KCNH2: variants seen among roughly 807,000 people sequenced by gnomAD.
The protein encoded by KCNH2 is voltage-gated inwardly rectifying potassium channel KCNH2.
KCNH2 carries 35 observed loss-of-function variants against 95.9 expected under a neutral mutation model. That is an observed-to-expected ratio of 0.37 (90% CI 0.28 to 0.48). The LOEUF is 0.48. Among genes scored for constraint, KCNH2 ranks in the 20% least tolerant of loss-of-function variants. KCNH2 has a pLI of 0.99. For synonymous variants in KCNH2, 786 were observed against 754.7 expected (o/e 1.04, Z -0.68); for missense variants, 1,274 against 1,702.9 (o/e 0.75, Z 4.43).
chr7:150,957,769 G>A (rs1801426791), intron 4 of KCNH2, among the ~76,000 whole-genome samples: 1 of 152,236 alleles, frequency 6.6e-6, no homozygotes, highest in African/African-American at 2.4e-5. Flanking sequence ...GGTGGTGTTC[G>A]GAGGCTGGGC....
chr7:150,951,243 C>T (rs930085189), intron 7 of KCNH2, 123 bp from the exon 8 acceptor site: 3 of 1,017,020 alleles, frequency 2.9e-6, no homozygotes, highest in African/African-American at 3.2e-5. Flanking sequence ...CCACGAGACG[C>T]CCTTGTACAT....
chr7:150,955,048 T>A (rs976676243), intron 5 of KCNH2, among the ~76,000 whole-genome samples: 83 of 152,158 alleles, frequency 5.5e-4, no homozygotes, highest in Non-Finnish European at 4.4e-5. Flanking sequence ...TGCCGGCTTC[T>A]CCTGGTCCTG....
chr7:150,945,341 A>C lies in KCNH2; in HGVS notation c.*24T>G. On this transcript the variant is annotated 3_prime_UTR_variant, in exon 15 of 15. Coordinates refer to ENST00000262186, the MANE Select transcript of KCNH2 (RefSeq NM_000238.4). This position sits in a 1 kb window ranked among gnomAD's most constrained non-coding sequence, Gnocchi z 5.6. ...CAGCGCCTTGATCCCTGGGTGAGCC[A>C]CGTGTCCACACTGGGCAGCCCCACT... 1 of 1,577,396 alleles carries C rather than the reference A, an allele frequency of 6.3e-7. No homozygotes were observed.
chr7:150,956,168 C>T (rs1801370685), intron 5 of KCNH2, among the ~76,000 whole-genome samples: 2 of 152,104 alleles, frequency 1.3e-5, no homozygotes, highest in South Asian at 2.1e-4. Context: ...GCACATGCAG[C>T]GGGCACAGGA....
At chr7:150,956,498 C>G (rs1801380679) in intron 5 of KCNH2, among the ~76,000 whole-genome samples, 2 of 152,118 alleles carry the variant, frequency 1.3e-5, no homozygotes, top group Admixed American at 6.5e-5. Context: ...CACTCCTGAC[C>G]CACCCACCCC....
chr7:150,948,022 G>T, intron 11 of KCNH2, 144 bp from the exon 12 acceptor site: 1 of 1,037,502 alleles, frequency 9.6e-7, no homozygotes, highest in Non-Finnish European at 1.4e-6. Context: ...CTGCTATCTT[G>T]CACCCACTGT....
In KCNH2 at chr7:150,948,944, C is replaced by T. The variant is rs794728395; in HGVS notation, c.2504G>A (p.Arg835Gln). 4 of 1,614,072 alleles carry T rather than the reference C, an allele frequency of 2.5e-6. No homozygotes were observed. Among genetic ancestry groups the T allele is most frequent in the African/African-American group, 2.7e-5 (2 of 74,934 alleles). Residue 835 changes from arginine (R) to glutamine (Q), a missense_variant, in exon 10 of 15, where the codon CGG (arginine) becomes CAG (glutamine). By Grantham distance (43) the Arg-to-Gln change is conservative. Around this residue, in one of 7 missense-constraint regions of KCNH2, gnomAD observed 159 missense variants for 282.5 expected, o/e 0.56. Transcript: ENST00000262186. ...LTYCDLHKIH[R>Q]DDLLEVLDMY... is the part of the protein sequence containing the mutation. ...GTCCAGCACCTCCAGCAGGTCGTCCCGATGGATCTTGTGTAGGTCACAGTA... is the reference window on the plus strand; with the variant it reads ...GTCCAGCACCTCCAGCAGGTCGTCCTGATGGATCTTGTGTAGGTCACAGTA...
At chr7:150,957,902 G>A (rs567263161) in intron 4 of KCNH2, among the ~76,000 whole-genome samples, 157 bp downstream of exon 4, 5 of 152,324 alleles carry the variant, frequency 3.3e-5, no homozygotes, top group South Asian at 4.1e-4. Flanking sequence ...AGCGCAACAA[G>A]CCACTTAATG....
intron 9 of KCNH2, among the ~76,000 whole-genome samples, 164 bp from the exon 10 acceptor site, chr7:150,949,213 C>T (rs1348037527): frequency 6.6e-6 from 1 of 152,146 alleles, no homozygotes; most frequent in African/African-American, 2.4e-5. Flanking sequence ...TCTGCCAGCC[C>T]ACCCTCCCTC....
chr7:150,955,458 G>A, intron 5 of KCNH2: 1 of 1,562,342 alleles, frequency 6.4e-7, no homozygotes, highest in South Asian at 1.2e-5. Context: ...TGGGCCCTGG[G>A]CCGCAGAGCC....
chr7:150,957,452 C>A lies in KCNH2; in HGVS notation c.967G>T (p.Asp323Tyr). The stretch of plus-strand genomic sequence containing the variant: ...CTAATGGTGCGGTAGCGCACGAGGT[C>A]GGAGTCCGAGGTGGAGTTGAGCAAG... ...SGLLNSTSDS[D>Y]LVRYRTISKI... is the part of the protein sequence containing the mutation. The change falls in exon 5 of 15, where the codon GAC becomes TAC. Residue 323 changes from aspartate (D) to tyrosine (Y), a missense_variant. By Grantham distance (160) the Asp-to-Tyr change is radical. This residue lies in a region of KCNH2 where 392 missense variants were observed against 429.9 expected (regional missense o/e 0.91). Transcript: ENST00000262186. The A allele has an allele frequency of 6.2e-7, 1 of 1,614,116 alleles. No individual in the cohort carries two copies. The highest frequency in any genetic ancestry group is 8.5e-7 in the Non-Finnish European group (1 of 1,180,026).
chr7:150,950,865 C>G (rs1460083928), intron 8 of KCNH2, 56 bp downstream of exon 8: 5 of 1,566,642 alleles, frequency 3.2e-6, no homozygotes, highest in Non-Finnish European at 4.4e-6. Flanking sequence ...AGGTTCCCCT[C>G]TGCCACCCCA....
In KCNH2 at chr7:150,951,655, C is replaced by A. The variant is rs786205588; in HGVS notation, c.1738G>T (p.Asp580Tyr). The A allele has an allele frequency of 6.2e-7, 1 of 1,614,258 alleles. No homozygotes were observed. Among genetic ancestry groups the A allele is most frequent in the South Asian group, 1.1e-5 (1 of 91,092 alleles). Residue 580 changes from aspartate (D) to tyrosine (Y), a missense_variant, in exon 7 of 15, where the codon GAC (aspartate) becomes TAC (tyrosine). This residue lies in a region of KCNH2 where 147 missense variants were observed against 344.4 expected (regional missense o/e 0.43). Coordinates refer to ENST00000262186, the MANE Select transcript of KCNH2 (RefSeq NM_000238.4). ...AIGNMEQPHMDSRIGWLHNLG... is the reference protein window; with the variant it reads ...AIGNMEQPHMYSRIGWLHNLG... Reference sequence around the variant, plus strand: ...TTGTGCAGCCAGCCGATGCGTGAGTCCATGTGTGGCTGCTCCATGTTGCCG... The same window carrying A: ...TTGTGCAGCCAGCCGATGCGTGAGTACATGTGTGGCTGCTCCATGTTGCCG...
At chr7:150,959,825 G>T in intron 2 of KCNH2, 89 bp from the exon 3 acceptor site, 3 of 1,450,356 alleles carry the variant, frequency 2.1e-6, no homozygotes, top group East Asian at 2.3e-5. Context: ...ACCCAAGTGG[G>T]CCCGTCCACT....
intron 2 of KCNH2, among the ~76,000 whole-genome samples, chr7:150,969,804 C>T (rs1354961541): frequency 6.6e-6 from 1 of 152,228 alleles, no homozygotes; most frequent in Non-Finnish European, 1.5e-5. Flanking sequence ...CCAAGGCTGC[C>T]TGGCTCCCAA....
rs536958259 is a variant in KCNH2 at position 150,950,013 on chromosome 7, G to T, written c.2398+155C>A. On this transcript the variant is annotated intron_variant, in intron 9 of 14. Transcript: ENST00000262186. ...ACGTGGGGCTCCTCTCCATGGCCCC[G>T]CTTGGAGGGCCTGAGTTTAGGTGAA... 1.8e-5 allele frequency: 29 copies of T among 1,573,248 alleles called. No homozygotes were observed. In the East Asian group the frequency reaches 6.7e-4, roughly 36 times the overall value.
intron 2 of KCNH2, among the ~76,000 whole-genome samples, chr7:150,971,693 G>A (rs1343711991): frequency 1.3e-5 from 2 of 151,706 alleles, no homozygotes; most frequent in African/African-American, 4.9e-5. Flanking sequence ...AAAGACCAAG[G>A]GACAGAGAGT....
Position 150,949,068 on chromosome 7 carries a change from A to T in KCNH2, c.2399-19T>A. On this transcript the variant is annotated intron_variant, in intron 9 of 14. Coordinates refer to ENST00000262186, the MANE Select transcript of KCNH2 (RefSeq NM_000238.4). Reference sequence around the variant, plus strand: ...TTCTTCCCTGGAGGCCATGGAGAGGACAGGGAGCTCAGCCCCGGGGGGCGG... The same window carrying T: ...TTCTTCCCTGGAGGCCATGGAGAGGTCAGGGAGCTCAGCCCCGGGGGGCGG... 1 of 1,610,316 alleles carries T rather than the reference A, an allele frequency of 6.2e-7. No individual in the cohort carries two copies. The highest frequency in any genetic ancestry group is 8.5e-7 in the Non-Finnish European group (1 of 1,176,890).
At position 150,947,387 on chromosome 7, in the gene KCNH2, AC is replaced by A. The variant is rs1800940404; in HGVS notation, c.3092del (p.Gly1031ValfsTer26). On this transcript the variant is annotated frameshift_variant, in exon 13 of 15. Transcript: ENST00000262186. LOFTEE classifies it high-confidence loss of function. ...SLLNIPLSSP[G>X]RRPRGDVESR... ...TCTCCACGTCGCCCCGGGGCCGCCG[AC>A]CCGGGCTGGAGAGGGGGATGTTGAG... 7 of 1,536,882 alleles carry A rather than the reference AC, an allele frequency of 4.6e-6. No individual in the cohort carries two copies. The highest frequency in any genetic ancestry group is 6.1e-6 in the Non-Finnish European group (7 of 1,141,486).
Sources: gnomAD v4.1 joint callset for allele counts (sites outside exome capture counted in the v4.1 genomes callset) on GRCh38, gnomAD v4.1.1 for gene constraint, gnomAD v4.1.1 regional missense constraint, Gnocchi (gnomAD v3.1) non-coding constraint, MANE v1.5 for transcripts, NCBI Gene and HGNC (gene_info 2026-07-23, HGNC 2026-07-21) for gene names.